KLHL13: variants seen among roughly 807,000 people sequenced by gnomAD.
KLHL13 encodes the protein kelch like family member 13, also known as kelch-like protein 13.
A neutral mutation model predicts 37.1 loss-of-function variants in KLHL13; 10 were observed. The observed-to-expected ratio is 0.27, with a 90% CI of 0.17 to 0.46. The LOEUF (loss-of-function observed/expected upper bound fraction) is 0.46. Ranked by LOEUF, KLHL13 falls within the 20% of genes least tolerant of loss-of-function variation. The pLI is 1.00. For missense variants in KLHL13, 360 were observed against 509.3 expected (o/e 0.71, Z 2.82); for synonymous variants, 163 against 181.2 (o/e 0.90, Z 0.81).
At chrX:117,913,358 T>A (rs6603346) in intron 4 of KLHL13, among the ~76,000 whole-genome samples, 11,534 of 111,503 alleles carry the variant, frequency 0.1, 599 homozygotes, top group African/African-American at 0.2. Flanking sequence ...ATAATGCAAT[T>A]TACATATATA....
chrX:118,019,188 T>A (rs2054166360), intron 1 of KLHL13, among the ~76,000 whole-genome samples: 1 of 111,675 alleles, frequency 9.0e-6, no homozygotes, highest in South Asian at 3.7e-4. Context: ...TTTCATGCTT[T>A]GACCTTCTTC....
intron 1 of KLHL13, among the ~76,000 whole-genome samples, 155 bp downstream of exon 1, chrX:118,116,353 G>A (rs892895296): frequency 8.9e-6 from 1 of 112,509 alleles, no homozygotes; most frequent in Non-Finnish European, 1.9e-5. Flanking sequence ...GGGAGAAAAA[G>A]AGGGGGCGGC....
At chrX:117,979,088 G>A (rs1159112649) in intron 1 of KLHL13, among the ~76,000 whole-genome samples, 4 of 110,027 alleles carry the variant, frequency 3.6e-5, no homozygotes, top group Non-Finnish European at 7.6e-5. Context: ...GCGCCACCAC[G>A]CCCGGCTAAT....
At chrX:118,018,036 A>G (rs1850455517) in intron 1 of KLHL13, among the ~76,000 whole-genome samples, 1 of 111,630 alleles carries the variant, frequency 9.0e-6, no homozygotes, top group African/African-American at 3.3e-5. Flanking sequence ...GGATGTTCAG[A>G]TAAGTATACT....
intron 1 of KLHL13, among the ~76,000 whole-genome samples, chrX:118,101,493 A>C (rs1322643866): frequency 1.8e-5 from 2 of 111,692 alleles, no homozygotes; most frequent in Non-Finnish European, 1.9e-5. Context: ...GAACAATACT[A>C]TGGAAATACA....
chrX:118,071,650 T>G (rs1432137889), intron 1 of KLHL13, among the ~76,000 whole-genome samples: 1 of 110,363 alleles, frequency 9.1e-6, no homozygotes, highest in African/African-American at 3.3e-5. Flanking sequence ...ACAAAATCAA[T>G]GTACAAAAAT....
chrX:118,090,695 T>C (rs1367074847), intron 1 of KLHL13, among the ~76,000 whole-genome samples: 1 of 109,443 alleles, frequency 9.1e-6, no homozygotes, highest in African/African-American at 3.3e-5. Context: ...GTAAACTAGT[T>C]CAACCATTGT....
chrX:117,966,526 C>T (rs1049361821), intron 1 of KLHL13, among the ~76,000 whole-genome samples: 8 of 111,405 alleles, frequency 7.2e-5, no homozygotes, highest in Non-Finnish European at 1.3e-4. Context: ...ATCAAGCTAC[C>T]GATGACCTTC....
intron 1 of KLHL13, among the ~76,000 whole-genome samples, chrX:118,048,120 T>C (rs2054578073): frequency 9.0e-6 from 1 of 111,417 alleles, no homozygotes; most frequent in South Asian, 3.8e-4. Context: ...TACACAACTC[T>C]TACAAGGAGT....
At chrX:118,098,939 G>A in intron 1 of KLHL13, among the ~76,000 whole-genome samples, 1 of 71,375 alleles carries the variant, frequency 1.4e-5, no homozygotes, top group Non-Finnish European at 2.5e-5. Context: ...GTGGGGGAAG[G>A]GGGGTGGGGG....
intron 1 of KLHL13, among the ~76,000 whole-genome samples, chrX:118,114,453 TATGCA>T (rs775271806): frequency 8.9e-6 from 1 of 112,420 alleles, no homozygotes; most frequent in Non-Finnish European, 1.9e-5. Flanking sequence ...ATAGTCTTAC[TATGCA>T]ATCACATTAG....
At chrX:118,036,115 C>G (rs1209476783) in intron 1 of KLHL13, among the ~76,000 whole-genome samples, 1 of 101,986 alleles carries the variant, frequency 9.8e-6, no homozygotes, top group Non-Finnish European at 2.0e-5. Flanking sequence ...AATGGAAGAA[C>G]ATTCCATGCT....
At chrX:117,913,881 A>G (rs965625552) in intron 4 of KLHL13, among the ~76,000 whole-genome samples, 4 of 110,414 alleles carry the variant, frequency 3.6e-5, no homozygotes, top group African/African-American at 1.3e-4. Flanking sequence ...AAAAAGGATA[A>G]AACTCTTCAA....
chrX:117,919,666 T>C, exon 4 of KLHL13: 2 of 1,208,018 alleles, frequency 1.7e-6, no homozygotes, highest in South Asian at 3.5e-5. Context: ...TAGACCGACT[T>C]TGCTCACACC....
chrX:117,900,961 G>C, intron 6 of KLHL13, among the ~76,000 whole-genome samples: 2 of 111,737 alleles, frequency 1.8e-5, no homozygotes, highest in Middle Eastern at 4.6e-3. Context: ...CCAACAATTT[G>C]AGAATGAAAG....
In KLHL13 at chrX:118,108,577, T is replaced by A. The variant is rs894011664; in HGVS notation, c.-56+7931A>T. On this transcript the variant is annotated intron_variant, in intron 1 of 6. Coordinates refer to the KLHL13 transcript ENST00000371882. Reference sequence around the variant, plus strand: ...CTTTTATCAACCTCAAAGCACTTAATCCTTGACAACTTTCTTCTAGTATTA... The same window carrying A: ...CTTTTATCAACCTCAAAGCACTTAAACCTTGACAACTTTCTTCTAGTATTA... 6.2e-5 allele frequency among the ~76,000 whole-genome samples: 7 copies of A among 112,329 alleles called. No individual in the cohort carries two copies. The Admixed American group carries it at 6.6e-4, about 11-fold the overall frequency.
intron 1 of KLHL13, among the ~76,000 whole-genome samples, chrX:118,007,247 A>G (rs1469887131): frequency 9.2e-6 from 1 of 108,689 alleles, no homozygotes; most frequent in Non-Finnish European, 1.9e-5. Flanking sequence ...CCATCTCTAC[A>G]AAATAGAAAA....
At chrX:117,941,601 T>C (rs1322695575) in intron 2 of KLHL13, among the ~76,000 whole-genome samples, 1 of 111,962 alleles carries the variant, frequency 8.9e-6, no homozygotes, top group African/African-American at 3.2e-5. Context: ...CCATTTCTTC[T>C]AGATTTTCTA....
exon 5 of KLHL13, chrX:117,909,464 A>G (rs745488858): frequency 2.5e-6 from 3 of 1,211,538 alleles, no homozygotes; most frequent in East Asian, 3.0e-5. Context: ...TTCCTTTTGT[A>G]TCATAATTAC....
Sources: allele counts gnomAD v4.1 joint callset (sites outside exome capture counted in the v4.1 genomes callset), GRCh38; gene constraint gnomAD v4.1.1; transcripts MANE v1.5; gene names NCBI Gene and HGNC (gene_info 2026-07-23, HGNC 2026-07-21).